The following SMYD4 variants were observed in gnomAD, a reference collection of about 807,000 sequenced individuals.
The protein encoded by SMYD4 is SET and MYND domain containing 4, also known as protein-lysine N-methyltransferase SMYD4.
A neutral mutation model predicts 72.8 loss-of-function variants in SMYD4; 68 were observed. The observed-to-expected ratio is 0.93, with a 90% confidence interval of 0.77 to 1.14. The LOEUF is 1.14. SMYD4 is among the 50% of genes most tolerant of loss of function. The pLI is 0.00. For synonymous variants in SMYD4, 407 were observed against 388.6 expected (o/e 1.05, Z -0.56); for missense variants, 984 against 1,003.7 (o/e 0.98, Z 0.27).
intron 5 of SMYD4, among the ~76,000 whole-genome samples, chr17:1,788,704 T>C (rs1035483568): frequency 2.6e-5 from 4 of 151,794 alleles, no homozygotes; most frequent in Non-Finnish European, 5.9e-5. Context: ...ATCGTGCTGC[T>C]GCACTCCAGC....
intron 2 of SMYD4, among the ~76,000 whole-genome samples, chr17:1,827,173 A>T (rs1020860672): frequency 5.9e-5 from 9 of 151,466 alleles, no homozygotes; most frequent in Non-Finnish European, 2.9e-5. Context: ...AAATAAAATA[A>T]AAATAAATAA....
intron 3 of SMYD4, among the ~76,000 whole-genome samples, chr17:1,809,557 A>G (rs181266275): frequency 0.011 from 1,676 of 147,712 alleles, 15 homozygotes; most frequent in Middle Eastern, 0.049. Flanking sequence ...TTGTATTTTT[A>G]GTAGAGACGG....
At chr17:1,801,529 T>C (rs1299419602) in intron 4 of SMYD4, among the ~76,000 whole-genome samples, 3 of 148,052 alleles carry the variant, frequency 2.0e-5, no homozygotes, top group Admixed American at 6.8e-5. Flanking sequence ...CATGAGCCAC[T>C]GCGCCCAGCC....
At position 1,800,734 on chromosome 17, in the gene SMYD4, C is replaced by A. The variant is rs781025835; in HGVS notation, c.660G>T (p.Ala220=). The stretch of plus-strand genomic sequence containing the variant: ...AAAGTTGTTCATTCTCCTCCCTCAG[C>A]GCTGCATCCTCAAGGGTTTTGGCCA... ...AALAKTLEDA[A]LREENEQLSN... The change falls in exon 5 of 11, where the codon GCG becomes GCT. Residue 220 remains alanine, a synonymous_variant. Transcript: ENST00000305513. The A allele has an allele frequency of 1.2e-6, 2 of 1,614,194 alleles. No homozygotes were observed. Among genetic ancestry groups the A allele is most frequent in the South Asian group, 2.2e-5 (2 of 91,078 alleles).
chr17:1,788,917 C>T (rs1044429123), intron 5 of SMYD4, among the ~76,000 whole-genome samples: 10 of 152,158 alleles, frequency 6.6e-5, no homozygotes, highest in African/African-American at 2.4e-4. Flanking sequence ...CACAGAAACG[C>T]TTAAATTATC....
chr17:1,828,716 G>A (rs1911343727), intron 1 of SMYD4, among the ~76,000 whole-genome samples: 1 of 151,478 alleles, frequency 6.6e-6, no homozygotes, highest in East Asian at 2.0e-4. Context: ...TCCTGCCTCA[G>A]CCTCCGAGTA....
At chr17:1,803,036 C>T (rs1295498116) in intron 4 of SMYD4, among the ~76,000 whole-genome samples, 2 of 152,142 alleles carry the variant, frequency 1.3e-5, no homozygotes, top group African/African-American at 4.8e-5. Context: ...CCCAGCTACT[C>T]AGAGGCTGAG....
intron 5 of SMYD4, among the ~76,000 whole-genome samples, chr17:1,791,285 G>A (rs1028964568): frequency 6.6e-6 from 1 of 152,154 alleles, no homozygotes; most frequent in Non-Finnish European, 1.5e-5. Flanking sequence ...AGAACCACAC[G>A]TGTCACGGTC....
chr17:1,826,491 CAAAA>C lies in SMYD4; in HGVS notation c.134+1366_134+1369del, dbSNP rs111636314. Among the ~76,000 whole-genome samples the C allele has an allele frequency of 2.5e-3, 257 of 103,076 alleles. 2 individuals carry two copies. Among genetic ancestry groups the C allele is most frequent in the Middle Eastern group, 5.7e-3 (1 of 174 alleles). 67.6% of individuals were successfully genotyped at this position (103,076 alleles called of 152,430 possible). On this transcript the variant is annotated intron_variant, in intron 2 of 10. Coordinates refer to ENST00000305513, the MANE Select transcript of SMYD4 (RefSeq NM_052928.3). The stretch of plus-strand genomic sequence containing the variant: ...TGGGCAACAAGAGCAAAACTCTGTC[CAAAA>C]AAAAAAAAAAAAAAAAAAAAAAAGA...
chr17:1,793,485 C>T (rs1469792016), intron 5 of SMYD4, among the ~76,000 whole-genome samples: 2 of 151,836 alleles, frequency 1.3e-5, no homozygotes, highest in Non-Finnish European at 2.9e-5. Flanking sequence ...GAAGCCAGCC[C>T]AGGCTTGTTC....
Position 1,794,936 on chromosome 17 carries a change from C to T in SMYD4, c.1537+4921G>A, listed in dbSNP as rs115141114. On this transcript the variant is annotated intron_variant, in intron 5 of 10. Transcript: ENST00000305513. ...ATCGAAGCCGTCTTTCATATCCCTC[C>T]GAATTAAAATACCTTTGCCTTTCTG... is the stretch of plus-strand genomic sequence containing the variant. 8.7e-3 allele frequency among the ~76,000 whole-genome samples: 1,325 copies of T among 152,062 alleles called. 19 individuals are homozygous for T. Among genetic ancestry groups the T allele is most frequent in the African/African-American group, 0.03 (1,242 of 41,486 alleles).
At chr17:1,799,724 A>G in intron 5 of SMYD4, 133 bp downstream of exon 5, 4 of 913,970 alleles carry the variant, frequency 4.4e-6, no homozygotes, top group Non-Finnish European at 4.8e-6. Context: ...TGTGACAATA[A>G]ACAAGACAGC....
chr17:1,784,175 G>A, intron 8 of SMYD4, 151 bp downstream of exon 8: 3 of 1,232,628 alleles, frequency 2.4e-6, no homozygotes, highest in Non-Finnish European at 3.4e-6. Flanking sequence ...TCAGGGTTTG[G>A]ACTCACTGGC....
intron 10 of SMYD4, chr17:1,782,813 C>T (rs1908435784): frequency 2.6e-6 from 1 of 384,840 alleles, no homozygotes; most frequent in African/African-American, 2.2e-5. Flanking sequence ...GTCGCCCAGG[C>T]TACAGTGCAG....
chr17:1,787,104 T>A, intron 6 of SMYD4, 131 bp from the exon 7 acceptor site: 1 of 1,183,108 alleles, frequency 8.5e-7, no homozygotes, highest in Non-Finnish European at 1.2e-6. Context: ...CAAATATTTG[T>A]GGAACTGGAT....
intron 7 of SMYD4, among the ~76,000 whole-genome samples, chr17:1,786,312 A>C (rs1379790134): frequency 6.6e-6 from 1 of 152,236 alleles, no homozygotes; most frequent in Admixed American, 6.5e-5. Context: ...AATGAAGCTG[A>C]GAGGGGTGGA....
intron 2 of SMYD4, among the ~76,000 whole-genome samples, chr17:1,826,844 AT>A (rs1042034175): frequency 3.9e-5 from 6 of 152,152 alleles, no homozygotes; most frequent in African/African-American, 1.4e-4. Context: ...ACACTGCACT[AT>A]TTTTGTCTAT....
chr17:1,781,575 G>A, intron 10 of SMYD4, 136 bp from the exon 11 acceptor site: 1 of 1,004,252 alleles, frequency 1.0e-6, no homozygotes, highest in African/African-American at 1.6e-5. Context: ...CAGTAAGTAA[G>A]ACACTGTCAC....
chr17:1,794,107 T>TATATATATA (rs1597374369), intron 5 of SMYD4, among the ~76,000 whole-genome samples: 1 of 10,258 alleles, frequency 9.7e-5, no homozygotes, highest in African/African-American at 3.4e-4. Context: ...ATATATATAT[T>TATATATATA]TTTTTTTTTT....
Sources: allele counts gnomAD v4.1 joint callset (sites outside exome capture counted in the v4.1 genomes callset), GRCh38; gene constraint gnomAD v4.1.1; transcripts MANE v1.5; gene names NCBI Gene and HGNC (gene_info 2026-07-23, HGNC 2026-07-21).